PLXDC2: variants seen among roughly 807,000 people sequenced by gnomAD.
PLXDC2 encodes plexin domain containing 2, also known as plexin domain-containing protein 2.
Under a neutral mutation model 68.9 loss-of-function variants are expected in PLXDC2, and 40 were observed. That is an observed-to-expected ratio of 0.58 (90% confidence interval 0.45 to 0.76). PLXDC2 has a LOEUF of 0.76. Among genes scored for constraint, PLXDC2 ranks in the 30% least tolerant of loss-of-function variants. PLXDC2 has a pLI of 0.00. For missense variants in PLXDC2, 644 were observed against 661.9 expected (o/e 0.97, Z 0.30); for synonymous variants, 243 against 234.2 (o/e 1.04, Z -0.34).
intron 3 of PLXDC2, among the ~76,000 whole-genome samples, chr10:20,050,427 C>T (rs750294081): frequency 2.6e-5 from 4 of 152,026 alleles, no homozygotes; most frequent in Non-Finnish European, 4.4e-5. Context: ...AAAGAGACAT[C>T]CTACAGAATG....
chr10:19,974,244 G>A (rs1834411409), intron 1 of PLXDC2, among the ~76,000 whole-genome samples: 1 of 152,214 alleles, frequency 6.6e-6, no homozygotes, highest in African/African-American at 2.4e-5. Flanking sequence ...AAGTAGGTAA[G>A]TGGCCAATTT....
At chr10:20,145,851 T>C (rs4634985) in intron 5 of PLXDC2, among the ~76,000 whole-genome samples, 93,561 of 151,978 alleles carry the variant, frequency 0.62, 32,575 homozygotes, top group Non-Finnish European at 0.79. Flanking sequence ...CCGCACCTGG[T>C]CAACAGTGTG....
intron 12 of PLXDC2, among the ~76,000 whole-genome samples, chr10:20,228,110 T>C (rs1341584163): frequency 6.6e-6 from 1 of 152,144 alleles, no homozygotes. Flanking sequence ...AGCATGTTGA[T>C]GTTGATATCT....
At chr10:19,978,011 T>C (rs1834487740) in intron 1 of PLXDC2, among the ~76,000 whole-genome samples, 1 of 152,242 alleles carries the variant, frequency 6.6e-6, no homozygotes, top group East Asian at 1.9e-4. Context: ...TCTGGTAGTC[T>C]AGCTGCTTCT....
chr10:20,097,645 A>G (rs1469862173), intron 4 of PLXDC2, among the ~76,000 whole-genome samples: 4 of 152,088 alleles, frequency 2.6e-5, no homozygotes, highest in Admixed American at 6.6e-5. Flanking sequence ...GATATCAACA[A>G]CTTATACTGT....
At chr10:20,182,036 A>G (rs1426320974) in intron 9 of PLXDC2, among the ~76,000 whole-genome samples, 1 of 149,388 alleles carries the variant, frequency 6.7e-6, no homozygotes, top group Non-Finnish European at 1.5e-5. Flanking sequence ...GGAGAGATGA[A>G]TGAATGCAAG....
At chr10:19,852,425 C>CAAAAAAAAAAAAAAAAAA (rs61430454) in intron 1 of PLXDC2, among the ~76,000 whole-genome samples, 8 of 61,928 alleles carry the variant, frequency 1.3e-4, no homozygotes, top group Admixed American at 2.4e-4. Context: ...GACCCTGTCT[C>CAAAAAAAAAAAAAAAAAA]AAAAAAAAAA....
At chr10:20,195,762 A>T (rs907503150) in intron 9 of PLXDC2, among the ~76,000 whole-genome samples, 5 of 152,198 alleles carry the variant, frequency 3.3e-5, no homozygotes, top group Admixed American at 6.5e-5. Context: ...CAAATTTGCT[A>T]TCTTGGCAGA....
chr10:19,995,889 A>G (rs1174441705), intron 1 of PLXDC2, among the ~76,000 whole-genome samples: 4 of 152,248 alleles, frequency 2.6e-5, no homozygotes, highest in Non-Finnish European at 4.4e-5. Flanking sequence ...GTCTTGGGGT[A>G]GGGTAAAGGC....
intron 1 of PLXDC2, among the ~76,000 whole-genome samples, chr10:19,926,275 G>T (rs989612175): frequency 2.0e-5 from 3 of 152,192 alleles, no homozygotes; most frequent in African/African-American, 7.2e-5. Flanking sequence ...CTTGGCCAAT[G>T]ATCCAGGTGA....
chr10:19,979,237 C>A (rs1339629967), intron 1 of PLXDC2, among the ~76,000 whole-genome samples: 1 of 152,062 alleles, frequency 6.6e-6, no homozygotes, highest in Non-Finnish European at 1.5e-5. Context: ...TTTGTGATAC[C>A]TCTGCGTGAT....
At chr10:20,177,893 CTTTG>C (rs78906092) in intron 9 of PLXDC2, among the ~76,000 whole-genome samples, 36,274 of 151,658 alleles carry the variant, frequency 0.24, 5,518 homozygotes, top group African/African-American at 0.42. Context: ...TACTATTTTC[CTTTG>C]TTTGAGAGCT....
chr10:20,269,391 C>T (rs548872937), intron 13 of PLXDC2, among the ~76,000 whole-genome samples: 12 of 151,964 alleles, frequency 7.9e-5, no homozygotes, highest in South Asian at 2.1e-4. Context: ...TAAAGGATTC[C>T]GTCAAATGCT....
At chr10:20,162,666 A>G (rs1041462437) in intron 6 of PLXDC2, among the ~76,000 whole-genome samples, 9 of 152,114 alleles carry the variant, frequency 5.9e-5, no homozygotes, top group African/African-American at 1.2e-4. Flanking sequence ...TTACTTTCAT[A>G]TTAGAGTACT....
intron 1 of PLXDC2, among the ~76,000 whole-genome samples, chr10:19,930,383 T>C (rs577478088): frequency 1.6e-5 from 2 of 128,198 alleles, no homozygotes; most frequent in East Asian, 3.9e-4. Flanking sequence ...TAATAAGGTC[T>C]TTAGCTTTGT....
chr10:20,206,863 C>CAG (rs1480093591), intron 9 of PLXDC2, among the ~76,000 whole-genome samples: 1 of 147,694 alleles, frequency 6.8e-6, no homozygotes, highest in African/African-American at 2.7e-5. Context: ...CACACACACA[C>CAG]ACACACACAC....
intron 2 of PLXDC2, among the ~76,000 whole-genome samples, chr10:20,021,669 T>TTTTA (rs1217505583): frequency 8.0e-6 from 1 of 124,662 alleles, no homozygotes; most frequent in Non-Finnish European, 1.9e-5. Context: ...TCCAGTCACA[T>TTTTA]TTTTTTTTAT....
intron 9 of PLXDC2, among the ~76,000 whole-genome samples, chr10:20,178,967 A>G (rs941013135): frequency 1.4e-4 from 22 of 152,136 alleles, no homozygotes; most frequent in African/African-American, 5.1e-4. Flanking sequence ...GGTTATTTAT[A>G]TTGATATTTT....
chr10:19,823,989 CAG>C (rs1836527383), intron 1 of PLXDC2, among the ~76,000 whole-genome samples: 1 of 152,118 alleles, frequency 6.6e-6, no homozygotes, highest in Non-Finnish European at 1.5e-5. Flanking sequence ...GCCTGGCCAA[CAG>C]AGTGTGACCC....
Sources: allele counts gnomAD v4.1 joint callset (sites outside exome capture counted in the v4.1 genomes callset), GRCh38; gene constraint gnomAD v4.1.1; transcripts MANE v1.5; gene names NCBI Gene and HGNC (gene_info 2026-07-23, HGNC 2026-07-21).